GALNT14: variants seen among roughly 807,000 people sequenced by gnomAD.
The protein encoded by GALNT14 is UDP-GalNAc:polypeptide N-acetylgalactosaminyltransferase 14.
GALNT14 carries 60 observed loss-of-function variants against 77.5 expected under a neutral mutation model. The observed-to-expected ratio is 0.77, with a 90% CI of 0.63 to 0.96. The LOEUF (loss-of-function observed/expected upper bound fraction) is 0.96, where lower values mean the gene tolerates loss of function less well. GALNT14 is among the 40% of genes least tolerant of loss of function. The pLI, the probability that GALNT14 is intolerant of heterozygous loss-of-function variation, is 0.00. For synonymous variants in GALNT14, 280 were observed against 281.7 expected (o/e 0.99, Z 0.06); for missense variants, 710 against 731.0 (o/e 0.97, Z 0.33).
chr2:31,058,556 G>C (rs8179822), intron 1 of GALNT14, among the ~76,000 whole-genome samples: 51,352 of 151,914 alleles, frequency 0.34, 9,391 homozygotes, highest in Admixed American at 0.45. Context: ...TCAGCAGTCA[G>C]TGGGCCACTC....
At chr2:31,110,028 A>G (rs1333039024) in intron 1 of GALNT14, among the ~76,000 whole-genome samples, 1 of 152,270 alleles carries the variant, frequency 6.6e-6, no homozygotes, top group East Asian at 1.9e-4. Flanking sequence ...AACCAATTTT[A>G]TTTCCAACAA....
intron 1 of GALNT14, among the ~76,000 whole-genome samples, chr2:30,995,222 G>C (rs767131659): frequency 1.3e-5 from 2 of 150,980 alleles, no homozygotes; most frequent in African/African-American, 2.4e-5. Context: ...CAACATTTCA[G>C]TCAATGACAG....
rs1669809893 is a variant in GALNT14, at chr2:30,992,984, G to T, written c.153C>A (p.Asp51Glu). The T allele has an allele frequency of 6.2e-7, 1 of 1,614,120 alleles. No homozygotes were observed. The highest frequency in any genetic ancestry group is 8.5e-7 in the Non-Finnish European group (1 of 1,180,018). ...GCCGCTCATCAAACTGGTCCCACAG[G>T]TCGTCCCAGTCAGCGTCCGAAGGCT... ...TPKPSDADWD[D>E]LWDQFDERRY... Residue 51 changes from aspartate (D) to glutamate (E), a missense_variant, in exon 2 of 15, where the codon GAC (aspartate) becomes GAA (glutamate). By Grantham distance (45) the Asp-to-Glu change is conservative. Transcript: ENST00000349752.
At chr2:31,074,377 G>T (rs1387270576) in intron 1 of GALNT14, among the ~76,000 whole-genome samples, 1 of 151,418 alleles carries the variant, frequency 6.6e-6, no homozygotes, top group Non-Finnish European at 1.5e-5. Flanking sequence ...GGCACACAGG[G>T]GTTCAACAGC....
intron 1 of GALNT14, among the ~76,000 whole-genome samples, chr2:31,059,182 C>A (rs1281275536): frequency 1.3e-5 from 2 of 152,188 alleles, no homozygotes; most frequent in Non-Finnish European, 2.9e-5. Flanking sequence ...ATTTCTTAAG[C>A]CTTGGTTTTA....
chr2:30,976,910 C>T (rs1304432777), intron 2 of GALNT14, among the ~76,000 whole-genome samples: 1 of 152,032 alleles, frequency 6.6e-6, no homozygotes, highest in Non-Finnish European at 1.5e-5. Context: ...TGCTGCAATT[C>T]CTCTTCTCAT....
At chr2:31,079,028 T>C in intron 1 of GALNT14, 1 of 1,286,306 alleles carries the variant, frequency 7.8e-7, no homozygotes, top group Admixed American at 2.3e-5. Context: ...CAGAACGAAA[T>C]GGGTAGGCTC....
At chr2:30,974,668 G>C (rs1204436306) in intron 2 of GALNT14, among the ~76,000 whole-genome samples, 1 of 152,172 alleles carries the variant, frequency 6.6e-6, no homozygotes, top group Non-Finnish European at 1.5e-5. Flanking sequence ...CTTCCCCTGG[G>C]AAGCATTTCA....
chr2:30,889,624 G>A, the GALNT14 span, among the ~76,000 whole-genome samples: 5 of 152,208 alleles, frequency 3.3e-5, no homozygotes, highest in Non-Finnish European at 5.9e-5. Flanking sequence ...GTACACTGAG[G>A]TGCAGGTTAT....
At chr2:30,992,416 C>T (rs1042536275) in intron 2 of GALNT14, among the ~76,000 whole-genome samples, 1 of 152,172 alleles carries the variant, frequency 6.6e-6, no homozygotes, top group African/African-American at 2.4e-5. Context: ...CTCCCAGTCA[C>T]AGAAAACACC....
intron 1 of GALNT14, among the ~76,000 whole-genome samples, chr2:31,018,641 C>G (rs6543593): frequency 0.55 from 83,826 of 151,946 alleles, 24,699 homozygotes; most frequent in African/African-American, 0.77. Context: ...TCCAGAAGGG[C>G]TGGGGACTGC....
the GALNT14 span, among the ~76,000 whole-genome samples, chr2:30,902,511 G>A: frequency 6.6e-6 from 1 of 152,020 alleles, no homozygotes; most frequent in East Asian, 1.9e-4. Context: ...AGGCCAGGGG[G>A]ACAACTAAGC....
chr2:31,060,435 G>C lies in GALNT14; in HGVS notation c.130-67428C>G, dbSNP rs373795762. On this transcript the variant is annotated intron_variant, in intron 1 of 14. Coordinates refer to ENST00000349752, the MANE Select transcript of GALNT14 (RefSeq NM_024572.4). The stretch of plus-strand genomic sequence containing the variant: ...GCCACAGGGAAAATCCTTCAGCGGA[G>C]GGAAAGAACTGATTATACACTCCTA... Among the ~76,000 whole-genome samples the C allele has an allele frequency of 8.5e-5, 13 of 152,166 alleles. 1 individual carries two copies. Among genetic ancestry groups the C allele is most frequent in the Admixed American group, 2.0e-4 (3 of 15,280 alleles).
chr2:31,117,930 GAGA>G (rs986119640), intron 1 of GALNT14, among the ~76,000 whole-genome samples: 11 of 152,204 alleles, frequency 7.2e-5, no homozygotes, highest in African/African-American at 2.7e-4. Context: ...CTGGCAGAAG[GAGA>G]AGAATATGGC....
chr2:30,967,359 T>G (rs1200893892), intron 2 of GALNT14, among the ~76,000 whole-genome samples: 1 of 152,220 alleles, frequency 6.6e-6, no homozygotes, highest in Non-Finnish European at 1.5e-5. Flanking sequence ...TCCTTAGTCC[T>G]AGGCTAATGG....
chr2:31,033,494 G>A (rs942486745), intron 1 of GALNT14, among the ~76,000 whole-genome samples: 1 of 152,088 alleles, frequency 6.6e-6, no homozygotes, highest in Non-Finnish European at 1.5e-5. Context: ...GCTAAATTCT[G>A]ATAATGCTAT....
chr2:31,111,636 T>G (rs1035494790), intron 1 of GALNT14, among the ~76,000 whole-genome samples: 5 of 152,080 alleles, frequency 3.3e-5, no homozygotes, highest in African/African-American at 1.2e-4. Flanking sequence ...TTATAGGGAG[T>G]CCTGGCGTCA....
chr2:31,129,987 G>GGTGGTT (rs1374266522), intron 1 of GALNT14, among the ~76,000 whole-genome samples: 1 of 152,150 alleles, frequency 6.6e-6, no homozygotes, highest in Non-Finnish European at 1.5e-5. Context: ...AGACAGCCGG[G>GGTGGTT]GTGGTTGTTC....
intron 1 of GALNT14, among the ~76,000 whole-genome samples, chr2:31,070,626 G>T (rs111658368): frequency 6.6e-6 from 1 of 152,198 alleles, no homozygotes; most frequent in Non-Finnish European, 1.5e-5. Flanking sequence ...AACAAACAAG[G>T]GCAATGCTGT....
Sources: allele counts gnomAD v4.1 joint callset (sites outside exome capture counted in the v4.1 genomes callset), GRCh38; gene constraint gnomAD v4.1.1; transcripts MANE v1.5; gene names NCBI Gene and HGNC (gene_info 2026-07-23, HGNC 2026-07-21).